Variants in SUMF1 observed in about 807,000 individuals in gnomAD.
The protein encoded by SUMF1 is formylglycine-generating enzyme.
A neutral mutation model predicts 47.6 loss-of-function variants in SUMF1; 48 were observed. That is an observed-to-expected ratio of 1.01 (90% CI 0.80 to 1.28). SUMF1 has a LOEUF of 1.28. Among genes scored for constraint, SUMF1 ranks in the 50% most tolerant of loss-of-function variants. The probability of loss-of-function intolerance (pLI) is 0.00; values close to 1 mark genes in which losing one functional copy is unlikely to be tolerated. For missense variants in SUMF1, 571 were observed against 485.4 expected (o/e 1.18, Z -1.66); for synonymous variants, 230 against 192.1 (o/e 1.20, Z -1.63).
chr3:4,386,458 A>T (rs747074706), intron 7 of SUMF1, among the ~76,000 whole-genome samples: 27 of 152,134 alleles, frequency 1.8e-4, no homozygotes, highest in Non-Finnish European at 3.4e-4. Context: ...TGTCTTATAA[A>T]CTTTATAAAC....
intron 9 of SUMF1, among the ~76,000 whole-genome samples, chr3:4,036,798 C>A (rs934564339): frequency 2.4e-5 from 3 of 124,894 alleles, no homozygotes; most frequent in Admixed American, 8.7e-5. Flanking sequence ...AACAAGACAG[C>A]AAATTAATTG....
intron 8 of SUMF1, among the ~76,000 whole-genome samples, chr3:4,110,143 A>T (rs1340622336): frequency 2.0e-5 from 3 of 152,134 alleles, no homozygotes; most frequent in Non-Finnish European, 4.4e-5. Flanking sequence ...TCCTTCTGAC[A>T]GTCAGGACCC....
At chr3:4,416,922 G>A (rs1007606284) in intron 6 of SUMF1, among the ~76,000 whole-genome samples, 1 of 152,026 alleles carries the variant, frequency 6.6e-6, no homozygotes, top group African/African-American at 2.4e-5. Flanking sequence ...ATAATCTACA[G>A]TAAGTATTAT....
intron 8 of SUMF1, among the ~76,000 whole-genome samples, chr3:4,192,154 G>C (rs1695328447): frequency 6.6e-6 from 1 of 152,082 alleles, no homozygotes; most frequent in Non-Finnish European, 1.5e-5. Flanking sequence ...GTGGCCTGAG[G>C]TTTCTAGGCA....
rs1030949656 is a variant in SUMF1, at chr3:4,071,591, C to T, written c.1015-2846G>A. On this transcript the variant is annotated intron_variant and NMD_transcript_variant, in intron 8 of 12. Transcript: ENST00000448413. ...TCACTGCTAGCGCAGGAGTCTGAGA[C>T]GACCTGGGATGCTGGAGCTTAGTGG... Among the ~76,000 whole-genome samples, 7 of 152,294 alleles carry T rather than the reference C, an allele frequency of 4.6e-5. No individual in the cohort carries two copies. The East Asian group carries it at 5.8e-4, about 13-fold the overall frequency.
intron 3 of SUMF1, among the ~76,000 whole-genome samples, chr3:4,442,481 G>A (rs1305722584): frequency 1.3e-5 from 2 of 151,304 alleles, no homozygotes; most frequent in African/African-American, 4.9e-5. Context: ...GGATGGTCTC[G>A]ATCTCCTGAC....
intron 8 of SUMF1, among the ~76,000 whole-genome samples, chr3:4,204,799 G>C (rs756015720): frequency 4.7e-5 from 7 of 149,302 alleles, no homozygotes; most frequent in Non-Finnish European, 8.9e-5. Context: ...TTTGTCAATT[G>C]ACTTTTTCAG....
chr3:4,464,662 T>C (rs984473147), intron 1 of SUMF1, among the ~76,000 whole-genome samples: 11 of 152,238 alleles, frequency 7.2e-5, no homozygotes, highest in African/African-American at 2.7e-4. Context: ...TTCCTGAATT[T>C]AGAATAAATG....
intron 8 of SUMF1, chr3:4,303,825 C>A (rs1559211216): frequency 1.5e-6 from 2 of 1,362,950 alleles, no homozygotes; most frequent in East Asian, 8.9e-5. Flanking sequence ...GGAGGCATCA[C>A]GGGGGGAGTC....
chr3:4,387,791 G>A (rs929028879), intron 7 of SUMF1, among the ~76,000 whole-genome samples: 3 of 151,940 alleles, frequency 2.0e-5, no homozygotes, highest in Admixed American at 6.6e-5. Context: ...TCAGTTCAGT[G>A]CACTGTTTGA....
intron 8 of SUMF1, among the ~76,000 whole-genome samples, chr3:4,296,763 C>T (rs1023282394): frequency 1.3e-5 from 2 of 151,828 alleles, no homozygotes; most frequent in African/African-American, 4.9e-5. Flanking sequence ...ATTATCCAAC[C>T]CACACTGTCT....
At chr3:4,046,364 A>G (rs555551902) in intron 9 of SUMF1, among the ~76,000 whole-genome samples, 8 of 152,108 alleles carry the variant, frequency 5.3e-5, no homozygotes, top group Non-Finnish European at 7.4e-5. Flanking sequence ...CACCTAGATT[A>G]CCTGCCCCAG....
intron 8 of SUMF1, among the ~76,000 whole-genome samples, chr3:4,237,800 C>T (rs1239370153): frequency 6.6e-6 from 1 of 151,970 alleles, no homozygotes; most frequent in African/African-American, 2.4e-5. Flanking sequence ...TTTTTAAATA[C>T]TTTAAGTGCT....
At chr3:4,045,961 G>C (rs915766081) in intron 9 of SUMF1, among the ~76,000 whole-genome samples, 1 of 152,174 alleles carries the variant, frequency 6.6e-6, no homozygotes, top group Non-Finnish European at 1.5e-5. Flanking sequence ...TGAGGCAAGA[G>C]GATTGCTTGA....
At chr3:4,216,394 G>C (rs186602994) in intron 8 of SUMF1, among the ~76,000 whole-genome samples, 2 of 152,250 alleles carry the variant, frequency 1.3e-5, no homozygotes, top group African/African-American at 2.4e-5. Flanking sequence ...ATTAACTCAA[G>C]ATGTATTACA....
intron 8 of SUMF1, among the ~76,000 whole-genome samples, chr3:4,164,791 A>C (rs994392286): frequency 6.6e-6 from 1 of 152,102 alleles, no homozygotes; most frequent in African/African-American, 2.4e-5. Context: ...CTTTCTCCTG[A>C]TATCTGTGCC....
chr3:4,269,297 GC>G, intron 8 of SUMF1, among the ~76,000 whole-genome samples: 1 of 152,148 alleles, frequency 6.6e-6, no homozygotes, highest in African/African-American at 2.4e-5. Flanking sequence ...ACATGTTAAT[GC>G]TATCCCTCCC....
chr3:4,131,198 G>A (rs965261879), intron 8 of SUMF1, among the ~76,000 whole-genome samples: 44 of 152,248 alleles, frequency 2.9e-4, no homozygotes, highest in African/African-American at 7.7e-4. Flanking sequence ...TGTGTCATGC[G>A]CAGTAACTTT....
At position 4,285,420 on chromosome 3, in the gene SUMF1, C is replaced by CT. The variant is rs141228299; in HGVS notation, c.1014+90909dup. On this transcript the variant is annotated intron_variant and NMD_transcript_variant, in intron 8 of 12. Transcript: ENST00000448413. ...TCATAAAAAGCTACAGGTGATTTTT[C>CT]TTTTTTTGTGACTCTCTAGAGTTTA... 6.6e-3 allele frequency among the ~76,000 whole-genome samples: 996 copies of CT among 151,934 alleles called. 12 individuals carry two copies. Among genetic ancestry groups the CT allele is most frequent in the African/African-American group, 0.022 (931 of 41,386 alleles).
Sources: allele counts gnomAD v4.1 joint callset (sites outside exome capture counted in the v4.1 genomes callset), GRCh38; gene constraint gnomAD v4.1.1; transcripts MANE v1.5; gene names NCBI Gene and HGNC (gene_info 2026-07-23, HGNC 2026-07-21).